Variants in SF3A3 observed in about 807,000 individuals in gnomAD.
The protein encoded by SF3A3 is SAP 61.
SF3A3 carries 9 observed loss-of-function variants against 85.8 expected under a neutral mutation model. The observed-to-expected ratio is 0.10, with a 90% confidence interval of 0.06 to 0.18. The LOEUF is 0.18. SF3A3 is among the 10% of genes least tolerant of loss of function. The pLI, the probability that SF3A3 is intolerant of heterozygous loss-of-function variation, is 1.00. For synonymous variants in SF3A3, 195 were observed against 204.4 expected, an observed-to-expected ratio of 0.95 and a Z score of 0.39; for missense variants, 306 against 593.3, an observed-to-expected ratio of 0.52 and a Z score of 5.03.
chr1:37,969,754 T>G lies in SF3A3; in HGVS notation c.1006-19A>C. On this transcript the variant is annotated intron_variant, in intron 12 of 16. Transcript: ENST00000373019. Reference sequence around the variant, plus strand: ...GCTGTTCCTAAAGCAGGTCCATAAATGAAAAGTCAGAAAAAAGTAGTGCAG... The same window carrying G: ...GCTGTTCCTAAAGCAGGTCCATAAAGGAAAAGTCAGAAAAAAGTAGTGCAG... The G allele has an allele frequency of 1.2e-6, 2 of 1,607,334 alleles. No individual in the cohort carries two copies. Among genetic ancestry groups the G allele is most frequent in the Non-Finnish European group, 1.7e-6 (2 of 1,175,832 alleles).
At chr1:37,978,570 TCTG>T (rs911781851) in intron 11 of SF3A3, 147 bp downstream of exon 11, 7 of 590,600 alleles carry the variant, frequency 1.2e-5, no homozygotes, top group African/African-American at 1.9e-5. Context: ...GATAGTACTC[TCTG>T]CTATTAGCAG....
chr1:37,985,592 G>GT (rs978249491), intron 4 of SF3A3, among the ~76,000 whole-genome samples: 5 of 152,014 alleles, frequency 3.3e-5, no homozygotes, highest in East Asian at 1.9e-4. Context: ...TTTTGTTTTT[G>GT]TTTTTTTAAC....
rs537592521 is a variant in SF3A3, at chr1:37,961,577, T to C, written c.1373-1402A>G. Among the ~76,000 whole-genome samples, 32 of 149,892 alleles carry C rather than the reference T, an allele frequency of 2.1e-4. 1 individual carries two copies. In the South Asian group the frequency reaches 6.1e-3, roughly 29 times the overall value. On this transcript the variant is annotated intron_variant, in intron 15 of 16. Coordinates refer to ENST00000373019, the MANE Select transcript of SF3A3 (RefSeq NM_006802.4). ...CCAGTCTGGGCAACAAGAGTGGAAC[T>C]CCGTCTCAAAAAAACAAAAAAAAAT...
Position 37,989,866 on chromosome 1 carries a change from T to C in SF3A3, c.96+4A>G, listed in dbSNP as rs1423894212. 2 of 1,608,042 alleles carry C rather than the reference T, an allele frequency of 1.2e-6. No individual in the cohort carries two copies. Among genetic ancestry groups the C allele is most frequent in the East Asian group, 4.5e-5 (2 of 44,844 alleles). On this transcript the variant is annotated splice_donor_region_variant and intron_variant, in intron 1 of 16. Transcript: ENST00000373019. ...GCCGCAGCCTCTGCTCAGGCCCCAC[T>C]CACCGTGGACTTCTTGGTGAGCATC...
At chr1:37,966,144 A>G (rs1646298211) in intron 15 of SF3A3, among the ~76,000 whole-genome samples, 2 of 152,034 alleles carry the variant, frequency 1.3e-5, no homozygotes, top group Admixed American at 1.3e-4. Flanking sequence ...TGGAGGTTGC[A>G]GTGAGCTGAG....
chr1:37,983,594 A>AAAAAAAAAAAAAAAAAAAAAAAAAG, intron 6 of SF3A3, among the ~76,000 whole-genome samples: 1 of 147,716 alleles, frequency 6.8e-6, no homozygotes, highest in Non-Finnish European at 1.5e-5. Flanking sequence ...CTCAAAAAAA[A>AAAAAAAAAAAAAAAAAAAAAAAAAG]AAAAAAAAAA....
chr1:37,980,570 T>A lies in SF3A3; in HGVS notation c.690+16A>T. 1.2e-6 allele frequency: 2 copies of A among 1,612,294 alleles called. No homozygotes were observed. The highest frequency in any genetic ancestry group is 1.3e-5 in the African/African-American group (1 of 74,966). ...TTCCCTGGCATGTCCACCATTCACA[T>A]CCCACTGAAGCTCACCGGCCATCCA... On this transcript the variant is annotated intron_variant, in intron 8 of 16. Transcript: ENST00000373019.
intron 4 of SF3A3, among the ~76,000 whole-genome samples, chr1:37,985,542 A>G (rs901698767): frequency 8.5e-5 from 13 of 152,234 alleles, no homozygotes; most frequent in Admixed American, 6.5e-4. Flanking sequence ...ATGTATTTAA[A>G]TATATGTATT....
At chr1:37,977,876 A>G (rs10890231) in intron 11 of SF3A3, among the ~76,000 whole-genome samples, 136,895 of 151,284 alleles carry the variant, frequency 0.9, 62,050 homozygotes, top group East Asian at 1. Flanking sequence ...AAATTAGCCA[A>G]TGTGGTGTTG....
At chr1:37,965,002 T>A (rs1479140690) in intron 15 of SF3A3, among the ~76,000 whole-genome samples, 1 of 151,850 alleles carries the variant, frequency 6.6e-6, no homozygotes, top group African/African-American at 2.4e-5. Flanking sequence ...CTACTAAAAA[T>A]ACAAAAATTG....
chr1:37,957,933 T>C lies in SF3A3; in HGVS notation c.*253A>G. 2.2e-6 allele frequency: 1 copy of C among 449,112 alleles called. No individual in the cohort carries two copies. Among genetic ancestry groups the C allele is most frequent in the Middle Eastern group, 6.1e-4 (1 of 1,632 alleles). The allele number at this position is 449,112 out of a possible 1,614,324, so 27.8% of individuals were successfully genotyped here. A position where few individuals can be genotyped will look rare whatever the true frequency, so the allele number is the denominator to read the frequency against. On this transcript the variant is annotated 3_prime_UTR_variant, in exon 17 of 17. Coordinates refer to ENST00000373019, the MANE Select transcript of SF3A3 (RefSeq NM_006802.4). ...ATGGAGGCGTTAAGACCTGAAGCAC[T>C]GAGTTGGTCCATAACCCTGGGCTTT...
intron 16 of SF3A3, among the ~76,000 whole-genome samples, chr1:37,959,070 ACTTTTTTTTCTTTTT>A (rs1226554908): frequency 6.7e-6 from 1 of 148,244 alleles, no homozygotes; most frequent in Non-Finnish European, 1.5e-5. Context: ...TGCCATTTCA[ACTTTTTTTTCTTTTT>A]TTTTTTTTTG....
At chr1:37,989,770 G>A in intron 1 of SF3A3, 100 bp downstream of exon 1, 1 of 1,234,874 alleles carries the variant, frequency 8.1e-7, no homozygotes, top group South Asian at 1.3e-5. Context: ...GAGCCCGGAG[G>A]AAGGCAGGGA....
intron 12 of SF3A3, among the ~76,000 whole-genome samples, chr1:37,972,731 C>T (rs1646352429): frequency 6.6e-6 from 1 of 152,170 alleles, no homozygotes; most frequent in African/African-American, 2.4e-5. Context: ...CATCTACAAC[C>T]ATCTGATCTT....
At chr1:37,980,555 T>A (rs773802275) in intron 8 of SF3A3, 31 bp downstream of exon 8, 1 of 1,607,682 alleles carries the variant, frequency 6.2e-7, no homozygotes, top group Non-Finnish European at 8.5e-7. Context: ...TTCCCTGGCA[T>A]GTCCACCATT....
intron 6 of SF3A3, among the ~76,000 whole-genome samples, chr1:37,983,586 CAAAAAAAA>C (rs371317065): frequency 2.9e-4 from 11 of 38,490 alleles, no homozygotes; most frequent in East Asian, 2.8e-3. Flanking sequence ...GACCCTGTCT[CAAAAAAAA>C]AAAAAAAAAA....
At chr1:37,984,654 G>C in intron 5 of SF3A3, 53 bp downstream of exon 5, 1 of 1,174,356 alleles carries the variant, frequency 8.5e-7, no homozygotes, top group South Asian at 1.2e-5. Flanking sequence ...AATCTGAGCT[G>C]TCATTAACCT....
intron 4 of SF3A3, among the ~76,000 whole-genome samples, chr1:37,985,649 A>G (rs1304276863): frequency 4.6e-5 from 7 of 152,092 alleles, no homozygotes; most frequent in Non-Finnish European, 1.0e-4. Flanking sequence ...GCATCCTTCT[A>G]ATCAGTTATT....
At chr1:37,965,008 A>T (rs1646289339) in intron 15 of SF3A3, among the ~76,000 whole-genome samples, 1 of 152,002 alleles carries the variant, frequency 6.6e-6, no homozygotes, top group Non-Finnish European at 1.5e-5. Flanking sequence ...AAAATACAAA[A>T]ATTGCTGGGC....
Sources: gnomAD v4.1 joint callset for allele counts (sites outside exome capture counted in the v4.1 genomes callset) on GRCh38, gnomAD v4.1.1 for gene constraint, MANE v1.5 for transcripts, NCBI Gene and HGNC (gene_info 2026-07-23, HGNC 2026-07-21) for gene names.